The following CAMK2A variants were observed in gnomAD, a reference collection of about 807,000 sequenced individuals.
CAMK2A encodes the protein calcium/calmodulin dependent protein kinase II alpha.
In CAMK2A, 7 loss-of-function variants were observed where a neutral mutation model predicts 79.2. The observed-to-expected ratio is 0.09, with a 90% CI of 0.05 to 0.17. CAMK2A has a LOEUF of 0.17. CAMK2A is among the 10% of genes least tolerant of loss of function. The pLI is 1.00. For missense variants in CAMK2A, 214 were observed against 646.4 expected, an observed-to-expected ratio of 0.33 and a Z score of 7.25; for synonymous variants, 242 against 251.7, an observed-to-expected ratio of 0.96 and a Z score of 0.36.
intron 15 of CAMK2A, among the ~76,000 whole-genome samples, chr5:150,233,392 T>C (rs766778877): frequency 6.6e-5 from 10 of 152,164 alleles, no homozygotes; most frequent in Non-Finnish European, 1.3e-4. Flanking sequence ...GCAGTGATCA[T>C]TCAACGTCAG....
At chr5:150,269,018 C>T (rs12109498) in intron 2 of CAMK2A, among the ~76,000 whole-genome samples, 9,788 of 151,708 alleles carry the variant, frequency 0.065, 435 homozygotes, top group African/African-American at 0.13. Flanking sequence ...CTCCCACCTC[C>T]GCCTCCCAAA....
At chr5:150,247,677 C>T (rs1755630519) in intron 12 of CAMK2A, 95 bp downstream of exon 12, 2 of 974,794 alleles carry the variant, frequency 2.1e-6, no homozygotes, top group Admixed American at 4.4e-5. Context: ...TCTCCCCAGG[C>T]CCAGTGGCCT....
At chr5:150,229,304 C>G (rs1381082738) in intron 16 of CAMK2A, among the ~76,000 whole-genome samples, 1 of 152,228 alleles carries the variant, frequency 6.6e-6, no homozygotes, top group Non-Finnish European at 1.5e-5. Context: ...GGGGACTGTG[C>G]TCAGACCAAA....
chr5:150,253,691 C>A, intron 6 of CAMK2A, 145 bp from the exon 7 acceptor site: 1 of 662,702 alleles, frequency 1.5e-6, no homozygotes, highest in Non-Finnish European at 2.7e-6. Context: ...CCAGCCCCGC[C>A]TCAGGCTCCT....
chr5:150,250,389 C>T, intron 10 of CAMK2A, 80 bp from the exon 11 acceptor site: 2 of 1,162,584 alleles, frequency 1.7e-6, no homozygotes, highest in Non-Finnish European at 2.6e-6. Flanking sequence ...TTCAGCAGGG[C>T]ATCTTAATGG....
intron 11 of CAMK2A, among the ~76,000 whole-genome samples, chr5:150,248,231 T>C (rs1410020521): frequency 2.0e-5 from 3 of 151,430 alleles, no homozygotes; most frequent in African/African-American, 7.3e-5. Context: ...GCTGAGAGCA[T>C]CTTGCTCCAG....
chr5:150,289,185 A>G (rs1436529051), intron 1 of CAMK2A, among the ~76,000 whole-genome samples: 1 of 152,208 alleles, frequency 6.6e-6, no homozygotes, highest in Admixed American at 6.5e-5. Context: ...AAGCAAAACT[A>G]GAGAAGGAAT....
chr5:150,245,404 G>A (rs1229740236), intron 12 of CAMK2A: 5 of 596,728 alleles, frequency 8.4e-6, no homozygotes, highest in African/African-American at 1.9e-5. Context: ...GACTGCCTGG[G>A]TTCCCCGCCT....
rs985602850 is a variant in CAMK2A, at chr5:150,223,900, C to T, written c.1238-683G>A. 3.3e-5 allele frequency among the ~76,000 whole-genome samples: 5 copies of T among 152,170 alleles called. No homozygotes were observed. The highest frequency in any genetic ancestry group is 1.9e-4 in the East Asian group (1 of 5,202). ...ACATATCTACAGTTCAGACACGGCC[C>T]GTGGGCCTGTCTGAAGTATATCTAC... is the stretch of plus-strand genomic sequence containing the variant. On this transcript the variant is annotated intron_variant, in intron 17 of 18. Transcript: ENST00000671881. The surrounding 1 kb of genome is among the most constrained non-coding windows in gnomAD (Gnocchi z 4.1).
chr5:150,276,963 C>G (rs1298542095), intron 1 of CAMK2A, among the ~76,000 whole-genome samples: 1 of 152,288 alleles, frequency 6.6e-6, no homozygotes, highest in South Asian at 2.1e-4. Flanking sequence ...GGCGTGATGG[C>G]TCACGCCCGC....
intron 3 of CAMK2A, among the ~76,000 whole-genome samples, chr5:150,258,862 G>A (rs1033180704): frequency 1.3e-5 from 2 of 152,198 alleles, no homozygotes; most frequent in Non-Finnish European, 2.9e-5. Context: ...CACCAGAGAT[G>A]GAGAGGGAAG....
In CAMK2A at chr5:150,250,324, G is replaced by A. The variant is rs1340147045; in HGVS notation, c.817-15C>T. The A allele has an allele frequency of 6.2e-7, 1 of 1,610,702 alleles. No homozygotes were observed. Among genetic ancestry groups the A allele is most frequent in the Admixed American group, 1.7e-5 (1 of 60,016 alleles). On this transcript the variant is annotated splice_polypyrimidine_tract_variant and intron_variant, in intron 10 of 18. Transcript: ENST00000671881. The stretch of plus-strand genomic sequence containing the variant: ...GTGGAGCGGTGCTGGAGGAAGTAGG[G>A]GAGAGGGCTGTGAGTGGAAGGCAGG...
In CAMK2A at chr5:150,222,917, G is replaced by A. The variant is rs551633997; in HGVS notation, c.1466+72C>T. 69 of 1,489,632 alleles carry A rather than the reference G, an allele frequency of 4.6e-5. No individual in the cohort carries two copies. The African/African-American group carries it at 6.6e-4, about 14-fold the overall frequency. 92.3% of individuals were successfully genotyped at this position (1,489,632 alleles called of 1,614,324 possible). A position where few individuals can be genotyped will look rare whatever the true frequency, so the allele number is the denominator to read the frequency against. ...CAGAGCTGAAGGCAGCAGCTTCCCCGACGTAACCCCCTCCAGGGCAACACT... is the reference window on the plus strand; with the variant it reads ...CAGAGCTGAAGGCAGCAGCTTCCCCAACGTAACCCCCTCCAGGGCAACACT... On this transcript the variant is annotated intron_variant, in intron 18 of 18. Transcript: ENST00000671881.
At chr5:150,231,433 A>G in intron 15 of CAMK2A, 53 bp from the exon 16 acceptor site, 1 of 703,384 alleles carries the variant, frequency 1.4e-6, no homozygotes, top group Non-Finnish European at 2.1e-6. Flanking sequence ...AATAATAATA[A>G]TAATAATAAT....
intron 7 of CAMK2A, among the ~76,000 whole-genome samples, chr5:150,252,963 C>G (rs903613481): frequency 6.6e-6 from 1 of 152,226 alleles, no homozygotes; most frequent in African/African-American, 2.4e-5. Flanking sequence ...TAAAGAGACC[C>G]AGTTATACCA....
chr5:150,241,570 T>C (rs1379585224), intron 13 of CAMK2A, among the ~76,000 whole-genome samples: 4 of 137,948 alleles, frequency 2.9e-5, no homozygotes, highest in African/African-American at 5.5e-5. Context: ...CTCCTCTGCC[T>C]CCTTCCTCTC....
At chr5:150,229,648 G>A (rs1321963719) in intron 16 of CAMK2A, among the ~76,000 whole-genome samples, 1 of 152,204 alleles carries the variant, frequency 6.6e-6, no homozygotes, top group East Asian at 1.9e-4. Context: ...ACCCCCAGAA[G>A]TGCCACTGAG....
rs975156384 is a variant in CAMK2A at position 150,221,501 on chromosome 5, A to T, written c.*1209T>A. 17 of 398,708 alleles carry T rather than the reference A, an allele frequency of 4.3e-5. No individual in the cohort carries two copies. The Middle Eastern group carries it at 1.9e-3, about 44-fold the overall frequency. The allele number at this position is 398,708 out of a possible 1,614,324, so 24.7% of individuals were successfully genotyped here. A position where few individuals can be genotyped will look rare whatever the true frequency, so the allele number is the denominator to read the frequency against. Reference sequence around the variant, plus strand: ...GATGAAATCCTGGGAAGTTCGGTAGAGAAGACCCCAGTTTGCGAGGGAAGC... The same window carrying T: ...GATGAAATCCTGGGAAGTTCGGTAGTGAAGACCCCAGTTTGCGAGGGAAGC... On this transcript the variant is annotated 3_prime_UTR_variant, in exon 19 of 19. Coordinates refer to ENST00000671881, the MANE Select transcript of CAMK2A (RefSeq NM_015981.4).
At chr5:150,252,375 G>T (rs1465429215) in intron 7 of CAMK2A, among the ~76,000 whole-genome samples, 1 of 152,144 alleles carries the variant, frequency 6.6e-6, no homozygotes, top group Non-Finnish European at 1.5e-5. Context: ...AGGATCATAA[G>T]CTTCTCAGCA....
Sources: allele counts gnomAD v4.1 joint callset (sites outside exome capture counted in the v4.1 genomes callset), GRCh38; gene constraint gnomAD v4.1.1; non-coding constraint Gnocchi (gnomAD v3.1); transcripts MANE v1.5; gene names NCBI Gene and HGNC (gene_info 2026-07-23, HGNC 2026-07-21).